ANO5: variants seen among roughly 807,000 people sequenced by gnomAD.
ANO5 encodes anoctamin-5.
ANO5 carries 109 observed loss-of-function variants against 121.0 expected under a neutral mutation model. The observed-to-expected ratio is 0.90, with a 90% CI of 0.77 to 1.06. ANO5 has a LOEUF of 1.06. ANO5 is among the 50% of genes least tolerant of loss of function. The pLI is 0.00. For synonymous variants in ANO5, 406 were observed against 359.9 expected (o/e 1.13, Z -1.45); for missense variants, 1,064 against 1,078.5 (o/e 0.99, Z 0.19).
chr11:22,207,087 T>C (rs1852144621), intron 2 of ANO5, among the ~76,000 whole-genome samples: 2 of 151,980 alleles, frequency 1.3e-5, no homozygotes, highest in African/African-American at 4.8e-5. Flanking sequence ...GAAAATTATA[T>C]AGAAATTAGT....
intron 6 of ANO5, among the ~76,000 whole-genome samples, chr11:22,226,632 G>A (rs1478498379): frequency 6.6e-6 from 1 of 152,088 alleles, no homozygotes; most frequent in East Asian, 1.9e-4. Flanking sequence ...GGCCAAAGCA[G>A]GAGGATTGCT....
chr11:22,267,619 CTCT>C (rs1291128271), intron 17 of ANO5, among the ~76,000 whole-genome samples: 2 of 74,714 alleles, frequency 2.7e-5, no homozygotes, highest in East Asian at 2.6e-4. Flanking sequence ...AACAATCTCT[CTCT>C]TTTTTTTTAA....
intron 19 of ANO5, among the ~76,000 whole-genome samples, chr11:22,273,248 ATAAG>A (rs1402491477): frequency 2.4e-4 from 36 of 152,198 alleles, no homozygotes; most frequent in East Asian, 7.7e-4. Flanking sequence ...CAGACAGAAA[ATAAG>A]TAACAGTATA....
intron 3 of ANO5, among the ~76,000 whole-genome samples, chr11:22,216,246 T>A (rs1178506094): frequency 6.6e-6 from 1 of 151,858 alleles, no homozygotes; most frequent in Non-Finnish European, 1.5e-5. Flanking sequence ...TAGGTGTAAC[T>A]TTATGTAAAA....
chr11:22,237,331 C>G (rs1018465364), intron 8 of ANO5, among the ~76,000 whole-genome samples: 1 of 152,092 alleles, frequency 6.6e-6, no homozygotes, highest in Non-Finnish European at 1.5e-5. Context: ...CCAAGCTCTT[C>G]CTTTCATAGG....
At chr11:22,221,614 A>T (rs566146758) in intron 5 of ANO5, among the ~76,000 whole-genome samples, 1 of 151,812 alleles carries the variant, frequency 6.6e-6, no homozygotes, top group Non-Finnish European at 1.5e-5. Flanking sequence ...ATTCTATTTT[A>T]TTTGTATTAC....
At chr11:22,241,905 T>C (rs1361372256) in intron 9 of ANO5, among the ~76,000 whole-genome samples, 1 of 152,156 alleles carries the variant, frequency 6.6e-6, no homozygotes, top group Non-Finnish European at 1.5e-5. Context: ...GTCCCACTTG[T>C]CAATTATTTT....
intron 9 of ANO5, among the ~76,000 whole-genome samples, chr11:22,247,635 C>T (rs918947461): frequency 4.6e-5 from 7 of 152,074 alleles, no homozygotes; most frequent in Admixed American, 1.3e-4. Flanking sequence ...TTATAGGAAT[C>T]TGAGTTCCTA....
intron 14 of ANO5, among the ~76,000 whole-genome samples, chr11:22,258,853 G>T (rs899824191): frequency 6.6e-6 from 1 of 152,146 alleles, no homozygotes; most frequent in African/African-American, 2.4e-5. Flanking sequence ...GCAAAAGAAG[G>T]CTGGGCGCAG....
chr11:22,206,203 C>T (rs1249145820), intron 2 of ANO5, among the ~76,000 whole-genome samples: 1 of 151,842 alleles, frequency 6.6e-6, no homozygotes, highest in East Asian at 1.9e-4. Flanking sequence ...CCCTCATGTA[C>T]ATAGATACAA....
At chr11:22,211,189 A>T in intron 2 of ANO5, 75 bp from the exon 3 acceptor site, 2 of 1,457,306 alleles carry the variant, frequency 1.4e-6, no homozygotes, top group Non-Finnish European at 9.6e-7. Flanking sequence ...CAGAGTTGTT[A>T]CTGAAACTTA....
chr11:22,214,408 CTG>C, intron 3 of ANO5, among the ~76,000 whole-genome samples: 1 of 151,800 alleles, frequency 6.6e-6, no homozygotes, highest in East Asian at 2.0e-4. Context: ...AAAGAAAAAT[CTG>C]TATAAATTAG....
chr11:22,226,934 G>T (rs1012928912), intron 6 of ANO5, among the ~76,000 whole-genome samples: 1 of 152,064 alleles, frequency 6.6e-6, no homozygotes, highest in Non-Finnish European at 1.5e-5. Flanking sequence ...AAAATTTTGA[G>T]CTTATAGCTA....
intron 8 of ANO5, 115 bp downstream of exon 8, chr11:22,236,391 A>G (rs1386687088): frequency 2.3e-6 from 2 of 851,272 alleles, no homozygotes; most frequent in African/African-American, 1.7e-5. Flanking sequence ...ATGGTGGGAA[A>G]ATCCCCAAAG....
chr11:22,221,819 CAT>C (rs1367785099), intron 5 of ANO5, among the ~76,000 whole-genome samples: 2 of 152,008 alleles, frequency 1.3e-5, no homozygotes, highest in Middle Eastern at 3.4e-3. Context: ...TTTTTATACA[CAT>C]ATATGTGTGT....
At chr11:22,248,268 G>A (rs567175414) in intron 9 of ANO5, among the ~76,000 whole-genome samples, 121 of 152,130 alleles carry the variant, frequency 8.0e-4, no homozygotes, top group Middle Eastern at 3.4e-3. Flanking sequence ...CCACAGATCA[G>A]TTGAAAGTCT....
chr11:22,278,546 C>G (rs1256714333), intron 21 of ANO5, among the ~76,000 whole-genome samples: 1 of 120,558 alleles, frequency 8.3e-6, no homozygotes, highest in South Asian at 2.5e-4. Context: ...TTTTTTTTTT[C>G]CATGTCAGAG....
chr11:22,218,127 A>T (rs1852520040), intron 3 of ANO5, 119 bp from the exon 4 acceptor site: 1 of 1,022,182 alleles, frequency 9.8e-7, no homozygotes, highest in Non-Finnish European at 1.5e-6. Flanking sequence ...ACACACACAC[A>T]CACACACACA....
chr11:22,196,812 T>C (rs1358859970), intron 1 of ANO5, among the ~76,000 whole-genome samples: 2 of 152,134 alleles, frequency 1.3e-5, no homozygotes, highest in East Asian at 3.9e-4. Context: ...TACGTTGCAG[T>C]AAGCCAAGAT....
Sources: gnomAD v4.1 joint callset for allele counts (sites outside exome capture counted in the v4.1 genomes callset) on GRCh38, gnomAD v4.1.1 for gene constraint, MANE v1.5 for transcripts, NCBI Gene and HGNC (gene_info 2026-07-23, HGNC 2026-07-21) for gene names.